The following DYNC2H1 variants were observed in gnomAD, a reference collection of about 807,000 sequenced individuals.
The protein encoded by DYNC2H1 is dynein cytoplasmic 2 heavy chain 1, also known as cytoplasmic dynein 2 heavy chain 1.
A neutral mutation model predicts 570.0 loss-of-function variants in DYNC2H1; 410 were observed. That is an observed-to-expected ratio of 0.72 (90% CI 0.66 to 0.78). The LOEUF (loss-of-function observed/expected upper bound fraction) is 0.78, where lower values mean the gene tolerates loss of function less well. Among genes scored for constraint, DYNC2H1 ranks in the 30% least tolerant of loss-of-function variants. DYNC2H1 has a pLI of 0.00. For missense variants in DYNC2H1, 4,865 were observed against 5,046.4 expected (o/e 0.96, Z 1.09); for synonymous variants, 1,688 against 1,677.6 (o/e 1.01, Z -0.15).
chr11:103,473,758 C>CTCTA (rs1945465022), intron 88 of DYNC2H1, among the ~76,000 whole-genome samples: 1 of 152,156 alleles, frequency 6.6e-6, no homozygotes, highest in African/African-American at 2.4e-5. Flanking sequence ...TTTGCCTTTG[C>CTCTA]TCTATCTTCC....
Position 103,209,899 on chromosome 11 carries a change from A to G in DYNC2H1, c.8478A>G (p.Glu2826=). Residue 2826 remains glutamate (E), a synonymous_variant, in exon 53 of 89, where the codon GAA becomes GAG. Coordinates refer to ENST00000375735, the MANE Select transcript of DYNC2H1 (RefSeq NM_001377.3). This position sits in a 1 kb window ranked among gnomAD's most constrained non-coding sequence, Gnocchi z 4.2. ...AGATACCTGAAATGTTATTCAGTGA[A>G]ACAGGTGGTGGAGAAAAATACAATG... ...MKKIPEMLFS[E]TGGGEKYNDK... is the part of the protein sequence containing the mutation. The G allele has an allele frequency of 6.7e-7, 1 of 1,497,742 alleles. No individual in the cohort carries two copies. The highest frequency in any genetic ancestry group is 8.9e-7 in the Non-Finnish European group (1 of 1,119,704). The allele number at this position is 1,497,742 out of a possible 1,614,324, so 92.8% of individuals were successfully genotyped here.
At position 103,233,861 on chromosome 11, in the gene DYNC2H1, TGTGTGTGTGTGTGTGTGG is replaced by T. The variant is rs1370906958; in HGVS notation, c.9441-170_9441-153del. Among the ~76,000 whole-genome samples the T allele has an allele frequency of 1.1e-3, 134 of 119,046 alleles. 1 individual carries two copies. Among genetic ancestry groups the T allele is most frequent in the East Asian group, 0.01 (45 of 4,406 alleles). The allele number at this position is 119,046 out of a possible 152,430, so 78.1% of individuals were successfully genotyped here. ...GTGTGTGTGTGTGTGTGTGTGTGTG[TGTGTGTGTGTGTGTGTGG>T]GTTTGTCTCTTCTATTAATGATACT... On this transcript the variant is annotated intron_variant, in intron 60 of 88. Coordinates refer to ENST00000375735, the MANE Select transcript of DYNC2H1 (RefSeq NM_001377.3).
chr11:103,303,368 G>A, intron 76 of DYNC2H1, 115 bp downstream of exon 76: 2 of 1,136,808 alleles, frequency 1.8e-6, no homozygotes, highest in Middle Eastern at 2.1e-4. Flanking sequence ...CCCCAAAAAT[G>A]TCTATGTCCT....
intron 81 of DYNC2H1, among the ~76,000 whole-genome samples, chr11:103,322,551 A>G (rs1938264364): frequency 6.6e-6 from 1 of 152,170 alleles, no homozygotes; most frequent in Non-Finnish European, 1.5e-5. Context: ...CTGTTTATAT[A>G]AATTATATCA....
intron 46 of DYNC2H1, 110 bp downstream of exon 46, chr11:103,191,729 T>G (rs1862323165): frequency 2.2e-6 from 1 of 458,134 alleles, no homozygotes; most frequent in East Asian, 3.8e-5. Flanking sequence ...CAAGTTATAT[T>G]ATTAAATAGA....
At chr11:103,329,655 T>C (rs928798067) in intron 82 of DYNC2H1, among the ~76,000 whole-genome samples, 13 of 151,958 alleles carry the variant, frequency 8.6e-5, no homozygotes, top group African/African-American at 2.9e-4. Flanking sequence ...TACAGGATTC[T>C]GAGTTATTCA....
chr11:103,221,006 G>A (rs1863564412), intron 57 of DYNC2H1, among the ~76,000 whole-genome samples: 1 of 151,852 alleles, frequency 6.6e-6, no homozygotes, highest in Non-Finnish European at 1.5e-5. Context: ...AGGAGAAAAG[G>A]AATACCTTAG....
intron 83 of DYNC2H1, among the ~76,000 whole-genome samples, chr11:103,362,005 G>C (rs2135534216): frequency 6.6e-6 from 1 of 152,222 alleles, no homozygotes; most frequent in East Asian, 1.9e-4. Flanking sequence ...AGATTTAAAG[G>C]CTGACTAGAG....
In DYNC2H1 at chr11:103,326,195, T is replaced by G. The variant is rs1290264062; in HGVS notation, c.12039+2205T>G. Among the ~76,000 whole-genome samples, 2 of 152,040 alleles carry G rather than the reference T, an allele frequency of 1.3e-5. No individual in the cohort carries two copies. The highest frequency in any genetic ancestry group is 6.6e-5 in the Admixed American group (1 of 15,264). On this transcript the variant is annotated intron_variant, in intron 82 of 88. Transcript: ENST00000375735. The surrounding 1 kb of genome is among the most constrained non-coding windows in gnomAD (Gnocchi z 6.1). ...CTCTTACTTAGCCCTGTGGTTTTTT[T>G]GTTATTTCCTTGTTTTCGCAGGCAC... is the stretch of plus-strand genomic sequence containing the variant.
intron 85 of DYNC2H1, among the ~76,000 whole-genome samples, chr11:103,452,243 T>G (rs1313326426): frequency 6.6e-6 from 1 of 152,170 alleles, no homozygotes; most frequent in African/African-American, 2.4e-5. Flanking sequence ...GAGGCTCAGT[T>G]TCTTCCTGGT....
At chr11:103,411,250 G>T (rs1793500) in intron 84 of DYNC2H1, among the ~76,000 whole-genome samples, 77,142 of 151,850 alleles carry the variant, frequency 0.51, 19,870 homozygotes, top group African/African-American at 0.6. Context: ...TTAGTTGGGG[G>T]TTACTCATAA....
At chr11:103,443,096 A>G (rs1944320051) in intron 85 of DYNC2H1, among the ~76,000 whole-genome samples, 1 of 152,014 alleles carries the variant, frequency 6.6e-6, no homozygotes, top group African/African-American at 2.4e-5. Context: ...AGAAGAAGAA[A>G]TGATTGACAG....
chr11:103,266,368 GC>G (rs1865505601), intron 70 of DYNC2H1, among the ~76,000 whole-genome samples: 1 of 152,088 alleles, frequency 6.6e-6, no homozygotes, highest in Admixed American at 6.5e-5. Context: ...CAAGGGCAGG[GC>G]CCCTGTGGGT....
At chr11:103,380,175 C>T (rs909430426) in intron 83 of DYNC2H1, among the ~76,000 whole-genome samples, 4 of 152,152 alleles carry the variant, frequency 2.6e-5, no homozygotes, top group Non-Finnish European at 4.4e-5. Context: ...TAAGTATTTA[C>T]AGGAATTTAG....
rs778038224 is a variant in DYNC2H1 at position 103,468,664 on chromosome 11, G to A, written c.12724G>A (p.Val4242Met). 57 of 1,613,514 alleles carry A rather than the reference G, an allele frequency of 3.5e-5. No individual in the cohort carries two copies. Among genetic ancestry groups the A allele is most frequent in the East Asian group, 8.9e-5 (4 of 44,860 alleles). Reference protein sequence around the residue: ...LSENQLDSPSVSSVLPCFMGW... With the variant: ...LSENQLDSPSMSSVLPCFMGW... ...TGAAAATCAGCTTGATTCTCCCAGC[G>A]TGTCATCAGTGCTCCCTTGTTTTAT... The change falls in exon 88 of 89, where the codon GTG becomes ATG. Residue 4242 changes from valine (V) to methionine (M), a missense_variant. This residue lies in a region of DYNC2H1 where 2,401 missense variants were observed against 2,454.6 expected (regional missense o/e 0.98). Transcript: ENST00000375735.
At position 103,156,479 on chromosome 11, in the gene DYNC2H1, T is replaced by G; in HGVS notation, c.3836T>G (p.Ile1279Ser). ...LWGVGAVFTLIDYEDSQSRTM... is the reference protein window; with the variant it reads ...LWGVGAVFTLSDYEDSQSRTM... ...GGAGTTGGAGCAGTGTTTACATTAA[T>G]TGATTATGAAGACAGCCAAAGTCGA... is the stretch of plus-strand genomic sequence containing the variant. Residue 1279 changes from isoleucine (I) to serine (S), a missense_variant, in exon 26 of 89, where the codon ATT (isoleucine) becomes AGT (serine). Physicochemically the swap from Ile to Ser is moderately radical, Grantham distance 142 (BLOSUM62 -2). Around this residue, in one of 5 missense-constraint regions of DYNC2H1, gnomAD observed 1,936 missense variants for 1,962.1 expected, o/e 0.99. Transcript: ENST00000375735. 1.9e-6 allele frequency: 3 copies of G among 1,613,762 alleles called. No individual in the cohort carries two copies. The highest frequency in any genetic ancestry group is 2.5e-6 in the Non-Finnish European group (3 of 1,179,732).
At chr11:103,285,827 G>GATT (rs1256680017) in intron 73 of DYNC2H1, among the ~76,000 whole-genome samples, 4 of 152,142 alleles carry the variant, frequency 2.6e-5, no homozygotes, top group Non-Finnish European at 5.9e-5. Flanking sequence ...CAAAGCCCCT[G>GATT]ATTGAGGCCT....
intron 82 of DYNC2H1, among the ~76,000 whole-genome samples, chr11:103,355,881 T>A (rs1014670262): frequency 3.3e-4 from 50 of 152,080 alleles, no homozygotes; most frequent in African/African-American, 1.1e-3. Context: ...AATGTATTTT[T>A]AAAATTTTTT....
intron 1 of DYNC2H1, among the ~76,000 whole-genome samples, chr11:103,110,315 A>G (rs1591249456): frequency 6.6e-6 from 1 of 152,152 alleles, no homozygotes; most frequent in East Asian, 1.9e-4. Context: ...CCCGGCCTAT[A>G]TTCTACTTTT....
Sources: gnomAD v4.1 joint callset for allele counts (sites outside exome capture counted in the v4.1 genomes callset) on GRCh38, gnomAD v4.1.1 for gene constraint, gnomAD v4.1.1 regional missense constraint, Gnocchi (gnomAD v3.1) non-coding constraint, MANE v1.5 for transcripts, NCBI Gene and HGNC (gene_info 2026-07-23, HGNC 2026-07-21) for gene names.